Variants in RBFOX1 observed in about 807,000 individuals in gnomAD.
RBFOX1 encodes the protein RNA binding fox-1 homolog 1.
Under a neutral mutation model 57.7 loss-of-function variants are expected in RBFOX1, and 8 were observed. That is an observed-to-expected ratio of 0.14 (90% confidence interval 0.08 to 0.25). RBFOX1 has a LOEUF of 0.25. Among genes scored for constraint, RBFOX1 ranks in the 10% least tolerant of loss-of-function variants. RBFOX1 has a pLI of 1.00. For synonymous variants in RBFOX1, 326 were observed against 222.4 expected, an observed-to-expected ratio of 1.47 and a Z score of -4.15; for missense variants, 611 against 548.5, an observed-to-expected ratio of 1.11 and a Z score of -1.14.
intron 4 of RBFOX1, among the ~76,000 whole-genome samples, chr16:7,258,145 T>G (rs2094771744): frequency 1.3e-5 from 2 of 152,180 alleles, no homozygotes. Flanking sequence ...CAGCGATAAT[T>G]TCTTGACTAT....
At chr16:5,749,507 C>T (rs962141406) in intron 3 of RBFOX1, among the ~76,000 whole-genome samples, 2 of 152,202 alleles carry the variant, frequency 1.3e-5, no homozygotes, top group Non-Finnish European at 2.9e-5. Context: ...GTACACCAAT[C>T]AGATGTAGAT....
In RBFOX1 at chr16:6,859,155, A is replaced by G. The variant is rs200748055; in HGVS notation, c.-15-192902A>G. Among the ~76,000 whole-genome samples, 10 of 60,248 alleles carry G rather than the reference A, an allele frequency of 1.7e-4. 1 individual carries two copies. The highest frequency in any genetic ancestry group is 1.5e-3 in the South Asian group (3 of 1,942). 39.5% of individuals were successfully genotyped at this position (60,248 alleles called of 152,430 possible). A position where few individuals can be genotyped will look rare whatever the true frequency, so the allele number is the denominator to read the frequency against. On this transcript the variant is annotated intron_variant, in intron 3 of 15. Coordinates refer to ENST00000550418, the MANE Select transcript of RBFOX1 (RefSeq NM_018723.4). Reference sequence around the variant, plus strand: ...CATATATATACGTATATATATATGTATATATATACGTATATATATGTATAT... The same window carrying G: ...CATATATATACGTATATATATATGTGTATATATACGTATATATATGTATAT...
At chr16:6,919,265 G>A (rs917970748) in intron 3 of RBFOX1, among the ~76,000 whole-genome samples, 1 of 152,136 alleles carries the variant, frequency 6.6e-6, no homozygotes, top group African/African-American at 2.4e-5. Context: ...TGGGATTACA[G>A]GTGTGAGCCA....
rs537023565 is a variant in RBFOX1, at chr16:7,700,361, T to C, written c.996-8695T>C. Reference sequence around the variant, plus strand: ...CACCATTATCATCTCCATTTATAGATGGTATAACCAACTCAAAGAGAAGAA... The same window carrying C: ...CACCATTATCATCTCCATTTATAGACGGTATAACCAACTCAAAGAGAAGAA... On this transcript the variant is annotated intron_variant, in intron 14 of 15. Transcript: ENST00000550418. Among the ~76,000 whole-genome samples the C allele has an allele frequency of 8.5e-5, 13 of 152,266 alleles. No individual in the cohort carries two copies. In the South Asian group the frequency reaches 1.0e-3, roughly 12 times the overall value.
At chr16:6,788,112 C>A (rs2082271441) in intron 3 of RBFOX1, among the ~76,000 whole-genome samples, 1 of 152,076 alleles carries the variant, frequency 6.6e-6, no homozygotes, top group African/African-American at 2.4e-5. Flanking sequence ...ATCCTAGCTA[C>A]TGGGAAGGCT....
At chr16:6,953,541 A>C (rs551387672) in intron 3 of RBFOX1, among the ~76,000 whole-genome samples, 49 of 152,098 alleles carry the variant, frequency 3.2e-4, no homozygotes, top group African/African-American at 1.2e-3. Flanking sequence ...GTGTGTCACC[A>C]CACCTGGCTA....
chr16:6,747,731 G>A (rs192322056), intron 3 of RBFOX1, among the ~76,000 whole-genome samples: 94 of 152,156 alleles, frequency 6.2e-4, no homozygotes, highest in Middle Eastern at 3.4e-3. Context: ...GGCACCATCC[G>A]CTTCATGGAC....
rs565501132 is a variant in RBFOX1, at chr16:7,097,143, G to A, written c.27+45045G>A. ...GAAATGCAACCGCGAGAGAGGTATT[G>A]TGAATGGTGACTTCGAGCAAGACTT... On this transcript the variant is annotated intron_variant, in intron 4 of 15. Transcript: ENST00000550418. Among the ~76,000 whole-genome samples the A allele has an allele frequency of 1.2e-4, 18 of 152,252 alleles. No individual in the cohort carries two copies. The South Asian group carries it at 3.5e-3, about 30-fold the overall frequency.
At chr16:7,555,538 T>A (rs2088100952) in intron 5 of RBFOX1, among the ~76,000 whole-genome samples, 1 of 152,216 alleles carries the variant, frequency 6.6e-6, no homozygotes, top group African/African-American at 2.4e-5. Context: ...TAAAAAAGAT[T>A]TTTTGTTTAA....
At position 6,019,948 on chromosome 16, in the gene RBFOX1, TGGGGCCGAGAACGTGACC is replaced by T; in HGVS notation, c.-169_-152del. The T allele has an allele frequency of 6.5e-7, 1 of 1,533,730 alleles. No individual in the cohort carries two copies. The highest frequency in any genetic ancestry group is 8.7e-7 in the Non-Finnish European group (1 of 1,145,692). On this transcript the variant is annotated 5_prime_UTR_variant, in exon 1 of 16. The change abolishes the stop of an existing upstream ORF in the 5' untranslated region. Transcript: ENST00000550418. The surrounding 1 kb of genome is among the most constrained non-coding windows in gnomAD (Gnocchi z 4.2). ...GAGAGCGCACGGGAATTCGGGGGTC[TGGGGCCGAGAACGTGACC>T]GCAGCCGGGCTCGCCGGGAGTTCTA...
intron 14 of RBFOX1, among the ~76,000 whole-genome samples, chr16:7,687,988 G>A (rs1300079945): frequency 6.6e-6 from 1 of 151,976 alleles, no homozygotes; most frequent in Admixed American, 6.6e-5. Flanking sequence ...CTGGTCATTG[G>A]TATTTTATTT....
chr16:6,924,728 C>T (rs554203780), intron 3 of RBFOX1, among the ~76,000 whole-genome samples: 48 of 151,590 alleles, frequency 3.2e-4, no homozygotes, highest in African/African-American at 8.0e-4. Context: ...ATGTGCACAA[C>T]GTGCAGGTTT....
chr16:5,785,843 C>G lies in RBFOX1; in HGVS notation c.319-81460C>G, dbSNP rs952212794. ...CACCCGGCCAAGATGTCTGCAACTT[C>G]CTGAAAAAATCTGCCTCTCTTCATT... On this transcript the variant is annotated intron_variant, in intron 3 of 19. Transcript: ENST00000641259. Among the ~76,000 whole-genome samples the G allele has an allele frequency of 1.2e-4, 18 of 152,190 alleles. No individual in the cohort carries two copies. The East Asian group carries it at 3.3e-3, about 28-fold the overall frequency.
chr16:6,180,988 AC>A (rs1339845565), intron 1 of RBFOX1, among the ~76,000 whole-genome samples: 3 of 152,136 alleles, frequency 2.0e-5, no homozygotes, highest in African/African-American at 7.2e-5. Flanking sequence ...CCTGTCCTCT[AC>A]TGATGGGTTT....
intron 4 of RBFOX1, among the ~76,000 whole-genome samples, chr16:7,338,335 C>G (rs993665076): frequency 6.6e-6 from 1 of 151,972 alleles, no homozygotes; most frequent in Non-Finnish European, 1.5e-5. Flanking sequence ...CAGAAAAATG[C>G]CAATGTATGC....
At chr16:6,905,439 G>C (rs1192278106) in intron 3 of RBFOX1, among the ~76,000 whole-genome samples, 3 of 151,850 alleles carry the variant, frequency 2.0e-5, no homozygotes, top group Admixed American at 1.3e-4. Context: ...TATAATCCCA[G>C]CTACTTGGGA....
intron 4 of RBFOX1, among the ~76,000 whole-genome samples, chr16:7,235,461 T>C (rs929062297): frequency 1.3e-5 from 2 of 152,198 alleles, no homozygotes; most frequent in Non-Finnish European, 2.9e-5. Flanking sequence ...GGACCTTTGT[T>C]TGTAAGATGT....
At chr16:6,808,178 G>GTGTGTGTGTGTGTGTGTATA (rs1318609964) in intron 3 of RBFOX1, among the ~76,000 whole-genome samples, 1 of 145,542 alleles carries the variant, frequency 6.9e-6, no homozygotes, top group African/African-American at 2.6e-5. Context: ...GTGTGTGTGT[G>GTGTGTGTGTGTGTGTGTATA]TATATATATA....
intron 1 of RBFOX1, among the ~76,000 whole-genome samples, chr16:5,313,170 T>C (rs891945959): frequency 2.6e-4 from 40 of 152,298 alleles, no homozygotes; most frequent in African/African-American, 9.4e-4. Context: ...CGGGCAGGGA[T>C]GCTCATTACT....
Sources: allele counts gnomAD v4.1 joint callset (sites outside exome capture counted in the v4.1 genomes callset), GRCh38; gene constraint gnomAD v4.1.1; non-coding constraint Gnocchi (gnomAD v3.1); transcripts MANE v1.5; gene names NCBI Gene and HGNC (gene_info 2026-07-23, HGNC 2026-07-21).